Variants in SYNE2 observed in about 807,000 individuals in gnomAD.
The protein encoded by SYNE2 is nesprin-2.
A neutral mutation model predicts 856.3 loss-of-function variants in SYNE2; 431 were observed. That is an observed-to-expected ratio of 0.50 (90% CI 0.47 to 0.55). SYNE2 has a LOEUF of 0.55. Among genes scored for constraint, SYNE2 ranks in the 20% least tolerant of loss-of-function variants. The pLI, the probability that SYNE2 is intolerant of heterozygous loss-of-function variation, is 0.00. For missense variants in SYNE2, 8,129 were observed against 8,023.2 expected, an observed-to-expected ratio of 1.01 and a Z score of -0.50; for synonymous variants, 2,923 against 2,872.3, an observed-to-expected ratio of 1.02 and a Z score of -0.56.
intron 13 of SYNE2, 140 bp downstream of exon 13, chr14:63,978,157 C>T (rs1487350791): frequency 5.7e-6 from 4 of 700,800 alleles, no homozygotes; most frequent in Admixed American, 4.2e-5. Context: ...AGTATCTTCA[C>T]GTTTTATGTA....
chr14:64,106,990 T>C (rs2097775996), intron 64 of SYNE2, among the ~76,000 whole-genome samples: 3 of 152,212 alleles, frequency 2.0e-5, no homozygotes, highest in East Asian at 1.9e-4. Flanking sequence ...TTCCCCACTC[T>C]TTGAAATGTG....
intron 1 of SYNE2, among the ~76,000 whole-genome samples, chr14:63,899,556 C>T (rs1434745703): frequency 6.6e-6 from 1 of 151,684 alleles, no homozygotes; most frequent in African/African-American, 2.4e-5. Context: ...GGCTGGAGTG[C>T]CGTGGCGCAA....
At chr14:63,886,685 A>T (rs914406662) in intron 1 of SYNE2, among the ~76,000 whole-genome samples, 4 of 152,096 alleles carry the variant, frequency 2.6e-5, no homozygotes, top group Non-Finnish European at 5.9e-5. Context: ...TTTGAGATGG[A>T]GTCTTGCACT....
At chr14:64,062,985 G>C in intron 50 of SYNE2, 90 bp downstream of exon 50, 1 of 1,469,134 alleles carries the variant, frequency 6.8e-7, no homozygotes. Flanking sequence ...GTCCTGTTAA[G>C]ACGCGTAGAA....
At chr14:63,937,682 C>T (rs1278118435) in intron 2 of SYNE2, among the ~76,000 whole-genome samples, 2 of 152,112 alleles carry the variant, frequency 1.3e-5, no homozygotes, top group African/African-American at 4.8e-5. Flanking sequence ...CTTTTAGGGC[C>T]CACTGGGGCT....
At chr14:63,966,275 G>A (rs898933072) in intron 10 of SYNE2, among the ~76,000 whole-genome samples, 21 of 152,002 alleles carry the variant, frequency 1.4e-4, no homozygotes, top group Non-Finnish European at 7.4e-5. Context: ...CAGCACTTTG[G>A]GAGGTGAGGC....
At chr14:64,075,517 C>T (rs1190070418) in intron 53 of SYNE2, 2 of 225,202 alleles carry the variant, frequency 8.9e-6, no homozygotes, top group African/African-American at 4.7e-5. Context: ...CTTTTAGTGG[C>T]CTTAAATCAT....
chr14:64,164,234 C>T lies in SYNE2; in HGVS notation c.16479+653C>T, dbSNP rs1023948399. On this transcript the variant is annotated intron_variant, in intron 89 of 115. Transcript: ENST00000555002. Reference sequence around the variant, plus strand: ...ATGCCATTCTCCTGCCTCAGCCTCCCGAGTAGCTGGGACTACAGGTGCCTG... The same window carrying T: ...ATGCCATTCTCCTGCCTCAGCCTCCTGAGTAGCTGGGACTACAGGTGCCTG... Among the ~76,000 whole-genome samples, 6 of 152,168 alleles carry T rather than the reference C, an allele frequency of 3.9e-5. No individual in the cohort carries two copies. In the East Asian group the frequency reaches 5.8e-4, roughly 15 times the overall value.
intron 1 of SYNE2, among the ~76,000 whole-genome samples, chr14:63,870,908 G>A (rs1896663712): frequency 6.6e-6 from 1 of 152,100 alleles, no homozygotes; most frequent in Non-Finnish European, 1.5e-5. Context: ...TAGTCCAGGG[G>A]CATAAACAGG....
chr14:63,937,799 G>A (rs2095851780), intron 2 of SYNE2, among the ~76,000 whole-genome samples: 2 of 152,280 alleles, frequency 1.3e-5, no homozygotes, highest in Middle Eastern at 3.4e-3. Context: ...AAAGCAAATA[G>A]AACAAAATAG....
chr14:64,103,370 G>A (rs950653886), intron 64 of SYNE2, among the ~76,000 whole-genome samples: 1 of 86,568 alleles, frequency 1.2e-5, no homozygotes, highest in Non-Finnish European at 2.4e-5. Flanking sequence ...TTTTTTTTTT[G>A]TGGAACAAAG....
At chr14:64,032,918 G>A (rs368432217) in intron 45 of SYNE2, among the ~76,000 whole-genome samples, 1 of 152,066 alleles carries the variant, frequency 6.6e-6, no homozygotes. Context: ...CACTAATCTC[G>A]GCACTTTGTG....
intron 49 of SYNE2, among the ~76,000 whole-genome samples, chr14:64,056,629 C>A (rs2097271876): frequency 6.6e-6 from 1 of 151,790 alleles, no homozygotes; most frequent in South Asian, 2.1e-4. Context: ...CAGAAATAAC[C>A]ATTCTCCCAA....
intron 51 of SYNE2, among the ~76,000 whole-genome samples, chr14:64,067,988 T>TCC (rs199691408): frequency 0.018 from 2,749 of 152,276 alleles, 99 homozygotes; most frequent in Admixed American, 0.087. Context: ...TATGGGTCCT[T>TCC]CTCCCTCTCT....
At chr14:64,218,647 G>GTT (rs1469720192) in intron 109 of SYNE2, 135 bp downstream of exon 109, 2 of 818,930 alleles carry the variant, frequency 2.4e-6, no homozygotes, top group Admixed American at 4.2e-5. Context: ...AACAACCAAT[G>GTT]TTATTTTTAA....
intron 96 of SYNE2, among the ~76,000 whole-genome samples, chr14:64,177,926 A>T (rs1012486997): frequency 2.6e-5 from 4 of 152,226 alleles, no homozygotes; most frequent in Admixed American, 2.6e-4. Flanking sequence ...TCCAAACTAT[A>T]TATTCTTCCT....
intron 70 of SYNE2, 120 bp from the exon 71 acceptor site, chr14:64,124,959 T>C (rs944205533): frequency 2.4e-6 from 3 of 1,245,760 alleles, no homozygotes; most frequent in Non-Finnish European, 3.4e-6. Context: ...GAGGAGATCA[T>C]GCCACTGCAC....
chr14:64,061,620 A>T (rs927359678), intron 49 of SYNE2, among the ~76,000 whole-genome samples: 6 of 151,958 alleles, frequency 3.9e-5, no homozygotes, highest in African/African-American at 1.5e-4. Flanking sequence ...AATTAGTTTG[A>T]TCTCTTTTTT....
chr14:64,121,122 G>T, intron 68 of SYNE2, 61 bp downstream of exon 68: 1 of 1,608,364 alleles, frequency 6.2e-7, no homozygotes, highest in Non-Finnish European at 8.5e-7. Context: ...AGGCAAGGTG[G>T]TGCAAACCTA....
Sources: allele counts gnomAD v4.1 joint callset (sites outside exome capture counted in the v4.1 genomes callset), GRCh38; gene constraint gnomAD v4.1.1; transcripts MANE v1.5; gene names NCBI Gene and HGNC (gene_info 2026-07-23, HGNC 2026-07-21).